The following BRINP3 variants were observed in gnomAD, a reference collection of about 807,000 sequenced individuals.
The protein encoded by BRINP3 is BMP/retinoic acid-inducible neural-specific protein 3.
BRINP3 carries 19 observed loss-of-function variants against 71.0 expected under a neutral mutation model. The observed-to-expected ratio is 0.27, with a 90% CI of 0.19 to 0.39. BRINP3 has a LOEUF of 0.39. Ranked by LOEUF, BRINP3 falls within the 10% of genes least tolerant of loss-of-function variation. The probability of loss-of-function intolerance (pLI) is 1.00; values close to 1 mark genes in which losing one functional copy is unlikely to be tolerated. For synonymous variants in BRINP3, 380 were observed against 337.7 expected, an observed-to-expected ratio of 1.13 and a Z score of -1.37; for missense variants, 959 against 940.8, an observed-to-expected ratio of 1.02 and a Z score of -0.25.
intron 7 of BRINP3, among the ~76,000 whole-genome samples, chr1:190,158,726 G>A (rs1176748298): frequency 6.6e-6 from 1 of 151,002 alleles, no homozygotes; most frequent in Non-Finnish European, 1.5e-5. Flanking sequence ...TAAACACACA[G>A]CAAAGAGGAA....
chr1:190,268,470 C>T (rs1269520737), intron 3 of BRINP3, among the ~76,000 whole-genome samples: 3 of 152,092 alleles, frequency 2.0e-5, no homozygotes, highest in African/African-American at 7.2e-5. Flanking sequence ...TGGGGAAACA[C>T]AGGAGGCATC....
At chr1:190,137,621 G>C (rs1017739440) in intron 7 of BRINP3, among the ~76,000 whole-genome samples, 1 of 152,094 alleles carries the variant, frequency 6.6e-6, no homozygotes, top group South Asian at 2.1e-4. Context: ...AACCCGTACA[G>C]TTTTTAAGTA....
At chr1:190,437,050 C>G (rs1338004574) in intron 2 of BRINP3, among the ~76,000 whole-genome samples, 1 of 151,732 alleles carries the variant, frequency 6.6e-6, no homozygotes, top group African/African-American at 2.4e-5. Flanking sequence ...TCAAAGCAAT[C>G]TGTATAATCA....
At chr1:190,309,568 T>C (rs999850639) in intron 2 of BRINP3, among the ~76,000 whole-genome samples, 1 of 151,850 alleles carries the variant, frequency 6.6e-6, no homozygotes, top group Non-Finnish European at 1.5e-5. Flanking sequence ...AATTTTCAAA[T>C]GACTGGTATT....
intron 7 of BRINP3, among the ~76,000 whole-genome samples, chr1:190,131,231 CA>C (rs1157638172): frequency 3.3e-5 from 5 of 151,198 alleles, no homozygotes; most frequent in Non-Finnish European, 5.9e-5. Context: ...AACGTGCTAC[CA>C]AAAGCTGTGT....
intron 6 of BRINP3, among the ~76,000 whole-genome samples, chr1:190,180,692 A>G (rs1652953264): frequency 6.6e-6 from 1 of 152,112 alleles, no homozygotes; most frequent in South Asian, 2.1e-4. Flanking sequence ...TAGTACCAAC[A>G]AATTCTAACT....
At chr1:190,396,224 C>A (rs552606279) in intron 2 of BRINP3, among the ~76,000 whole-genome samples, 1 of 152,036 alleles carries the variant, frequency 6.6e-6, no homozygotes, top group African/African-American at 2.4e-5. Context: ...AATCCACAGG[C>A]AACTTCACTT....
At chr1:190,384,314 G>A (rs1670743252) in intron 2 of BRINP3, among the ~76,000 whole-genome samples, 1 of 151,590 alleles carries the variant, frequency 6.6e-6, no homozygotes, top group Admixed American at 6.6e-5. Flanking sequence ...CATTTTCACA[G>A]AAAGAAATCT....
At chr1:190,148,298 C>A (rs1484474328) in intron 7 of BRINP3, among the ~76,000 whole-genome samples, 1 of 151,832 alleles carries the variant, frequency 6.6e-6, no homozygotes, top group African/African-American at 2.4e-5. Context: ...ATGAACCTCA[C>A]TTTTAAAATA....
chr1:190,306,561 G>T (rs1015337208), intron 2 of BRINP3, among the ~76,000 whole-genome samples: 2 of 152,000 alleles, frequency 1.3e-5, no homozygotes, highest in African/African-American at 4.8e-5. Context: ...GTGTGGAGGT[G>T]GGGGTATAAC....
chr1:190,360,271 G>A (rs1395242693), intron 2 of BRINP3, among the ~76,000 whole-genome samples: 1 of 152,164 alleles, frequency 6.6e-6, no homozygotes, highest in African/African-American at 2.4e-5. Context: ...TAGAGAAACT[G>A]CATAATTATT....
intron 6 of BRINP3, among the ~76,000 whole-genome samples, chr1:190,188,139 A>G (rs1384100841): frequency 6.6e-6 from 1 of 152,024 alleles, no homozygotes; most frequent in Non-Finnish European, 1.5e-5. Flanking sequence ...CCTATTGTAA[A>G]TGTGATTTTT....
chr1:190,324,035 G>C (rs979908815), intron 2 of BRINP3, among the ~76,000 whole-genome samples: 1 of 151,816 alleles, frequency 6.6e-6, no homozygotes, highest in Non-Finnish European at 1.5e-5. Context: ...CATTTACAGG[G>C]TAAGAACAAT....
chr1:190,173,233 T>C (rs1242146751), intron 6 of BRINP3, among the ~76,000 whole-genome samples: 2 of 152,220 alleles, frequency 1.3e-5, no homozygotes, highest in Non-Finnish European at 2.9e-5. Flanking sequence ...TGGATCCAGA[T>C]ATAAAACTAC....
rs572884131 is a variant in BRINP3 at position 190,347,467 on chromosome 1, C to T, written c.237-65717G>A. 2.6e-5 allele frequency among the ~76,000 whole-genome samples: 4 copies of T among 152,224 alleles called. No individual in the cohort carries two copies. The East Asian group carries it at 5.8e-4, about 22-fold the overall frequency. On this transcript the variant is annotated intron_variant, in intron 2 of 7. Transcript: ENST00000367462. ...CACTATAATTCTTAATATTCACAAA[C>T]ATTATGCAAAATTGGAATTTTATAT...
chr1:190,324,955 T>A lies in BRINP3; in HGVS notation c.237-43205A>T, dbSNP rs1666482025. ...TGGAGCTCGATAAACAAAAATCTAA[T>A]AAAAATGTTTTCATAGATGACTAAA... On this transcript the variant is annotated intron_variant, in intron 2 of 7. Transcript: ENST00000367462. Among the ~76,000 whole-genome samples the A allele has an allele frequency of 6.6e-5, 10 of 151,876 alleles. No homozygotes were observed. In the South Asian group the frequency reaches 2.1e-3, roughly 31 times the overall value.
At chr1:190,310,912 A>T (rs1460925017) in intron 2 of BRINP3, among the ~76,000 whole-genome samples, 1 of 151,792 alleles carries the variant, frequency 6.6e-6, no homozygotes, top group Non-Finnish European at 1.5e-5. Flanking sequence ...AATTTTAAAC[A>T]AAAACAATAT....
At chr1:190,184,369 T>A (rs1419975711) in intron 6 of BRINP3, among the ~76,000 whole-genome samples, 3 of 152,108 alleles carry the variant, frequency 2.0e-5, no homozygotes, top group African/African-American at 4.8e-5. Context: ...CACCCAGCAA[T>A]CCCATTATTG....
intron 2 of BRINP3, chr1:190,302,879 T>C (rs1371315455): frequency 3.3e-5 from 5 of 151,840 alleles, no homozygotes; most frequent in Non-Finnish European, 5.9e-5. Context: ...TGAATACTAT[T>C]ATATGTCCTT....
Sources: allele counts gnomAD v4.1 joint callset (sites outside exome capture counted in the v4.1 genomes callset), GRCh38; gene constraint gnomAD v4.1.1; transcripts MANE v1.5; gene names NCBI Gene and HGNC (gene_info 2026-07-23, HGNC 2026-07-21).